BBS5: variants seen among roughly 807,000 people sequenced by gnomAD.
The protein encoded by BBS5 is Bardet-Biedl syndrome 5, also known as BBSome complex member BBS5.
Under a neutral mutation model 50.2 loss-of-function variants are expected in BBS5, and 39 were observed. The observed-to-expected ratio is 0.78, with a 90% confidence interval of 0.60 to 1.01. The LOEUF (loss-of-function observed/expected upper bound fraction) is 1.01, where lower values mean the gene tolerates loss of function less well. Among genes scored for constraint, BBS5 ranks in the 50% least tolerant of loss-of-function variants. The pLI is 0.00. For missense variants in BBS5, 356 were observed against 401.5 expected, an observed-to-expected ratio of 0.89 and a Z score of 0.97; for synonymous variants, 134 against 133.1, an observed-to-expected ratio of 1.01 and a Z score of -0.05.
intron 2 of BBS5, among the ~76,000 whole-genome samples, chr2:169,484,088 A>G (rs1449937930): frequency 6.6e-6 from 1 of 152,198 alleles, no homozygotes; most frequent in Non-Finnish European, 1.5e-5. Context: ...AAATCCTACT[A>G]TTAATAAAAA....
intron 2 of BBS5, among the ~76,000 whole-genome samples, chr2:169,484,241 T>C (rs1387295195): frequency 1.3e-5 from 2 of 152,044 alleles, no homozygotes; most frequent in East Asian, 3.9e-4. Flanking sequence ...GAATTAGCCA[T>C]GTGTGGTGTT....
At chr2:169,484,547 A>G (rs1165083931) in intron 2 of BBS5, among the ~76,000 whole-genome samples, 1 of 152,192 alleles carries the variant, frequency 6.6e-6, no homozygotes, top group Non-Finnish European at 1.5e-5. Context: ...CAGCAGTTTG[A>G]AAATGACCAA....
intron 7 of BBS5, among the ~76,000 whole-genome samples, chr2:169,496,571 T>TA: frequency 6.6e-6 from 1 of 151,968 alleles, no homozygotes; most frequent in South Asian, 2.1e-4. Flanking sequence ...CAGTATCTAC[T>TA]AAAAATACAA....
In BBS5 at chr2:169,504,201, A is replaced by G. The variant is rs1243403601; in HGVS notation, c.901-102A>G. ...TACACAGTAACAGAATGTGAAATAC[A>G]TTTAGTTATAAAATCATTCTGCATA... On this transcript the variant is annotated intron_variant, in intron 10 of 11. Coordinates refer to ENST00000295240, the MANE Select transcript of BBS5 (RefSeq NM_152384.3). The G allele has an allele frequency of 7.8e-6, 8 of 1,031,780 alleles. No homozygotes were observed. The East Asian group carries it at 1.2e-4, about 15-fold the overall frequency. The allele number at this position is 1,031,780 out of a possible 1,614,324, so 63.9% of individuals were successfully genotyped here.
chr2:169,493,178 T>TTTCA, intron 6 of BBS5, 169 bp downstream of exon 6: 1 of 755,558 alleles, frequency 1.3e-6, no homozygotes. Flanking sequence ...CCCTATTTTC[T>TTTCA]TTCAATACAA....
At chr2:169,488,344 G>A (rs982463674) in intron 5 of BBS5, among the ~76,000 whole-genome samples, 1 of 152,186 alleles carries the variant, frequency 6.6e-6, no homozygotes, top group Non-Finnish European at 1.5e-5. Flanking sequence ...TGGGAGCCCT[G>A]AGCTTGTTTT....
intron 2 of BBS5, among the ~76,000 whole-genome samples, chr2:169,483,195 G>A (rs992780412): frequency 5.3e-5 from 8 of 152,172 alleles, no homozygotes; most frequent in East Asian, 3.8e-4. Context: ...GTAGCCCTTT[G>A]AGTGGCTGCT....
At position 169,506,326 on chromosome 2, in the gene BBS5, C is replaced by T. The variant is rs1407992819; in HGVS notation, c.*1744C>T. 5.0e-5 allele frequency: 9 copies of T among 179,586 alleles called. No individual in the cohort carries two copies. Among genetic ancestry groups the T allele is most frequent in the Non-Finnish European group, 6.7e-5 (6 of 88,900 alleles). 11.1% of individuals were successfully genotyped at this position (179,586 alleles called of 1,614,324 possible). The stretch of plus-strand genomic sequence containing the variant: ...TACCCAACAGCTCATTGAGAGCGGG[C>T]GATGATGACAGTGGCGGCTTTGTGG... On this transcript the variant is annotated 3_prime_UTR_variant, in exon 12 of 12. Coordinates refer to ENST00000295240, the MANE Select transcript of BBS5 (RefSeq NM_152384.3).
chr2:169,504,706 T>G lies in BBS5; in HGVS notation c.*124T>G, dbSNP rs918596048. 1.6e-5 allele frequency: 19 copies of G among 1,194,452 alleles called. No homozygotes were observed. The highest frequency in any genetic ancestry group is 2.2e-5 in the Non-Finnish European group (18 of 833,530). The allele number at this position is 1,194,452 out of a possible 1,614,324, so 74.0% of individuals were successfully genotyped here. On this transcript the variant is annotated 3_prime_UTR_variant, in exon 12 of 12. Transcript: ENST00000295240. Reference sequence around the variant, plus strand: ...TTTTATATTTAAAACTTGTAAGAGTTTTTTTAATGATTGAGGAAAAAGTCA... The same window carrying G: ...TTTTATATTTAAAACTTGTAAGAGTGTTTTTAATGATTGAGGAAAAAGTCA...
At chr2:169,489,073 C>G (rs946257538) in intron 5 of BBS5, among the ~76,000 whole-genome samples, 1 of 151,986 alleles carries the variant, frequency 6.6e-6, no homozygotes, top group Non-Finnish European at 1.5e-5. Context: ...CTCACTGAAG[C>G]CTCAAACTCC....
chr2:169,489,474 A>ATT (rs1297639777), intron 5 of BBS5, among the ~76,000 whole-genome samples: 6 of 136,122 alleles, frequency 4.4e-5, no homozygotes, highest in South Asian at 4.7e-4. Context: ...AAAAAAAAAA[A>ATT]TTTTTTTTTT....
chr2:169,490,923 T>C (rs1481168661), intron 5 of BBS5, among the ~76,000 whole-genome samples: 1 of 152,238 alleles, frequency 6.6e-6, no homozygotes, highest in South Asian at 2.1e-4. Context: ...TGGCCTTTTA[T>C]GTCTGACCTC....
chr2:169,499,309 T>C, intron 8 of BBS5, 177 bp from the exon 9 acceptor site: 1 of 613,564 alleles, frequency 1.6e-6, no homozygotes, highest in Non-Finnish European at 2.8e-6. Context: ...GAGGCCCCCT[T>C]GTGCTCTTCT....
chr2:169,501,293 G>A lies in BBS5; in HGVS notation c.816+1673G>A, dbSNP rs531258073. On this transcript the variant is annotated intron_variant, in intron 9 of 11. Transcript: ENST00000295240. Reference sequence around the variant, plus strand: ...TCATTTTACACTTTCAGTCATACCAGTCTCTTCCCTGTTTCTAGTTATTAC... The same window carrying A: ...TCATTTTACACTTTCAGTCATACCAATCTCTTCCCTGTTTCTAGTTATTAC... Among the ~76,000 whole-genome samples the A allele has an allele frequency of 1.8e-4, 27 of 152,212 alleles. No homozygotes were observed. In the South Asian group the frequency reaches 5.6e-3, roughly 32 times the overall value.
At chr2:169,501,620 G>A (rs547213523) in intron 9 of BBS5, among the ~76,000 whole-genome samples, 23 of 152,156 alleles carry the variant, frequency 1.5e-4, no homozygotes, top group South Asian at 8.3e-4. Flanking sequence ...GTGCCGGCCT[G>A]TAGTCTTAAC....
chr2:169,487,279 A>G, intron 3 of BBS5, 145 bp downstream of exon 3: 3 of 646,794 alleles, frequency 4.6e-6, no homozygotes, highest in South Asian at 1.8e-5. Context: ...AATGCAAACA[A>G]AATTATCCAT....
chr2:169,498,733 G>A lies in BBS5; in HGVS notation c.682-753G>A, dbSNP rs1371786787. 5.3e-5 allele frequency among the ~76,000 whole-genome samples: 8 copies of A among 151,606 alleles called. No homozygotes were observed. In the East Asian group the frequency reaches 1.6e-3, roughly 29 times the overall value. ...GAGGCAGGAGAATGGCGCGAACCCG[G>A]GAGGCGGAGCTTGCAGTGAGCCGAG... On this transcript the variant is annotated intron_variant, in intron 8 of 11. Coordinates refer to ENST00000295240, the MANE Select transcript of BBS5 (RefSeq NM_152384.3).
Position 169,492,925 on chromosome 2 carries a change from A to G in BBS5, c.438A>G (p.Leu146=). 6.2e-7 allele frequency: 1 copy of G among 1,612,620 alleles called. No homozygotes were observed. Among genetic ancestry groups the G allele is most frequent in the African/African-American group, 1.3e-5 (1 of 75,018 alleles). ...GTGATTTTAAATTAAGAAGTGCACT[A>G]ATTCAGAACAAGCAACTAAGACTGT... ...MYRDFKLRSA[L]IQNKQLRLLP... Residue 146 remains leucine, a synonymous_variant, in exon 6 of 12, where the codon CTA becomes CTG. Transcript: ENST00000295240.
At chr2:169,482,738 T>C (rs1375828720) in intron 2 of BBS5, 3 of 237,718 alleles carry the variant, frequency 1.3e-5, no homozygotes, top group South Asian at 6.2e-5. Flanking sequence ...TCACCTATGG[T>C]TGTCACCTAG....
Sources: allele counts gnomAD v4.1 joint callset (sites outside exome capture counted in the v4.1 genomes callset), GRCh38; gene constraint gnomAD v4.1.1; transcripts MANE v1.5; gene names NCBI Gene and HGNC (gene_info 2026-07-23, HGNC 2026-07-21).